PAWR: variants seen among roughly 807,000 people sequenced by gnomAD.
PAWR encodes the protein pro-apoptotic WT1 regulator, also known as PRKC apoptosis WT1 regulator protein.
Under a neutral mutation model 32.0 loss-of-function variants are expected in PAWR, and 23 were observed. That is an observed-to-expected ratio of 0.72 (90% CI 0.52 to 1.02). The LOEUF is 1.02. PAWR is among the 50% of genes least tolerant of loss of function. The probability of loss-of-function intolerance (pLI) is 0.00; values close to 1 mark genes in which losing one functional copy is unlikely to be tolerated. For missense variants in PAWR, 457 were observed against 437.7 expected (o/e 1.04, Z -0.39); for synonymous variants, 226 against 187.1 (o/e 1.21, Z -1.70).
intron 2 of PAWR, among the ~76,000 whole-genome samples, chr12:79,625,636 C>T (rs1056631106): frequency 3.9e-5 from 6 of 151,912 alleles, no homozygotes; most frequent in East Asian, 1.9e-4. Context: ...ATGGCTAACA[C>T]GGTGAAACCC....
intron 4 of PAWR, among the ~76,000 whole-genome samples, chr12:79,611,262 A>T (rs1327066884): frequency 2.0e-5 from 3 of 146,430 alleles, no homozygotes; most frequent in Non-Finnish European, 3.0e-5. Context: ...ATATATATTT[A>T]TATATAATAT....
intron 3 of PAWR, among the ~76,000 whole-genome samples, chr12:79,615,716 C>T (rs967660956): frequency 1.6e-4 from 25 of 152,276 alleles, no homozygotes; most frequent in Middle Eastern, 3.4e-3. Flanking sequence ...CTTATGTATA[C>T]TCACTCAAAA....
At chr12:79,686,624 CAAGTT>C (rs1878691343) in intron 2 of PAWR, among the ~76,000 whole-genome samples, 1 of 152,120 alleles carries the variant, frequency 6.6e-6, no homozygotes, top group Non-Finnish European at 1.5e-5. Flanking sequence ...ATGTGCTGCT[CAAGTT>C]AAGAACCACT....
Position 79,591,511 on chromosome 12 carries a change from AAAT to A in PAWR, c.*1093_*1095del, listed in dbSNP as rs1234599639. 6.6e-6 allele frequency: 1 copy of A among 152,186 alleles called. No individual in the cohort carries two copies. The highest frequency in any genetic ancestry group is 1.9e-4 in the East Asian group (1 of 5,202). The allele number at this position is 152,186 out of a possible 1,614,324, so 9.4% of individuals were successfully genotyped here. A position where few individuals can be genotyped will look rare whatever the true frequency, so the allele number is the denominator to read the frequency against. The stretch of plus-strand genomic sequence containing the variant: ...GAATATGTAATACAAAAACAATTCT[AAAT>A]AATAATATTTAATAGAAGAAAAAAT... On this transcript the variant is annotated 3_prime_UTR_variant, in exon 7 of 7. Transcript: ENST00000328827.
At chr12:79,650,147 C>G (rs2030899) in intron 2 of PAWR, among the ~76,000 whole-genome samples, 3,861 of 152,250 alleles carry the variant, frequency 0.025, 170 homozygotes, top group African/African-American at 0.085. Flanking sequence ...AGTTAAATTT[C>G]CATATCCATA....
chr12:79,686,723 G>A (rs1878696229), intron 2 of PAWR, among the ~76,000 whole-genome samples: 1 of 152,126 alleles, frequency 6.6e-6, no homozygotes, highest in South Asian at 2.1e-4. Flanking sequence ...TACAAGTACT[G>A]AAAAGTTTAA....
Position 79,587,654 on chromosome 12 carries a change from T to G in PAWR, c.*4953A>C, listed in dbSNP as rs1873423704. 1 of 151,922 alleles carries G rather than the reference T, an allele frequency of 6.6e-6. No homozygotes were observed. The highest frequency in any genetic ancestry group is 1.5e-5 in the Non-Finnish European group (1 of 67,852). The allele number at this position is 151,922 out of a possible 1,614,324, so 9.4% of individuals were successfully genotyped here. On this transcript the variant is annotated 3_prime_UTR_variant, in exon 7 of 7. Coordinates refer to ENST00000328827, the MANE Select transcript of PAWR (RefSeq NM_002583.4). ...TGTCCACCTAAAATAATATACCAAA[T>G]AAAGATTTTTAAAGTGCTGCATATG...
chr12:79,678,935 T>G (rs538778232), intron 2 of PAWR, among the ~76,000 whole-genome samples: 3 of 151,362 alleles, frequency 2.0e-5, no homozygotes, highest in Non-Finnish European at 4.4e-5. Flanking sequence ...TCTCACTCTG[T>G]CACCCAGGCT....
intron 2 of PAWR, among the ~76,000 whole-genome samples, chr12:79,623,581 TAAC>T (rs1339729872): frequency 6.6e-6 from 1 of 151,998 alleles, no homozygotes; most frequent in African/African-American, 2.4e-5. Flanking sequence ...AAATTTTTAG[TAAC>T]AACCATTAAA....
In PAWR at chr12:79,669,212, C is replaced by T. The variant is rs140350210; in HGVS notation, c.516+20517G>A. Among the ~76,000 whole-genome samples the T allele has an allele frequency of 5.3e-5, 8 of 152,144 alleles. No individual in the cohort carries two copies. In the East Asian group the frequency reaches 1.4e-3, roughly 26 times the overall value. ...TTATGTAAAGATTAGGGATATAAGACCAACAATATTAAATTGAGGGTTTCT... is the reference window on the plus strand; with the variant it reads ...TTATGTAAAGATTAGGGATATAAGATCAACAATATTAAATTGAGGGTTTCT... On this transcript the variant is annotated intron_variant, in intron 2 of 6. Coordinates refer to ENST00000328827, the MANE Select transcript of PAWR (RefSeq NM_002583.4).
chr12:79,646,748 G>A (rs980523003), intron 2 of PAWR, among the ~76,000 whole-genome samples: 1 of 152,116 alleles, frequency 6.6e-6, no homozygotes. Context: ...CAATTAGGTA[G>A]TACACAAACA....
At chr12:79,593,166 A>T (rs73360708) in intron 6 of PAWR, among the ~76,000 whole-genome samples, 1,683 of 152,250 alleles carry the variant, frequency 0.011, 41 homozygotes, top group African/African-American at 0.038. Context: ...CTGATCTTTA[A>T]AGGTGTACAA....
At chr12:79,671,667 CT>C in intron 2 of PAWR, among the ~76,000 whole-genome samples, 1 of 151,610 alleles carries the variant, frequency 6.6e-6, no homozygotes, top group Non-Finnish European at 1.5e-5. Flanking sequence ...GTTCATTTAA[CT>C]TTTTATGATA....
chr12:79,646,289 C>CCG (rs1876572257), intron 2 of PAWR, among the ~76,000 whole-genome samples: 1 of 152,040 alleles, frequency 6.6e-6, no homozygotes, highest in Non-Finnish European at 1.5e-5. Flanking sequence ...CACTCCTGCC[C>CCG]CGTATGCCAC....
intron 2 of PAWR, among the ~76,000 whole-genome samples, chr12:79,659,963 CTA>C (rs1405557575): frequency 6.6e-6 from 1 of 152,096 alleles, no homozygotes; most frequent in African/African-American, 2.4e-5. Context: ...TCTTAAGTAA[CTA>C]TTATACTAGA....
chr12:79,687,958 C>T (rs1419820214), intron 2 of PAWR, among the ~76,000 whole-genome samples: 1 of 151,940 alleles, frequency 6.6e-6, no homozygotes, highest in East Asian at 1.9e-4. Flanking sequence ...AAGCAGTCCT[C>T]AATTCCCTAT....
chr12:79,619,833 A>C (rs1874919109), intron 3 of PAWR, among the ~76,000 whole-genome samples: 1 of 152,194 alleles, frequency 6.6e-6, no homozygotes, highest in African/African-American at 2.4e-5. Context: ...AGAGCTGAGA[A>C]AATGTTGGCA....
rs1001772607 is a variant in PAWR at position 79,589,113 on chromosome 12, A to C, written c.*3494T>G. ...GAATAGTTATTAAGTAAGTGCCAGC[A>C]CTACATGCAACTTACTGGTCACCAA... On this transcript the variant is annotated 3_prime_UTR_variant, in exon 7 of 7. Transcript: ENST00000328827. 1.3e-5 allele frequency: 2 copies of C among 151,946 alleles called. No homozygotes were observed. Among genetic ancestry groups the C allele is most frequent in the African/African-American group, 4.8e-5 (2 of 41,418 alleles). 9.4% of individuals were successfully genotyped at this position (151,946 alleles called of 1,614,324 possible).
At chr12:79,629,734 G>T (rs187013219) in intron 2 of PAWR, among the ~76,000 whole-genome samples, 269 of 152,104 alleles carry the variant, frequency 1.8e-3, no homozygotes, top group African/African-American at 5.8e-3. Context: ...AGAACATATT[G>T]TGGAACATAA....
Sources: allele counts gnomAD v4.1 joint callset (sites outside exome capture counted in the v4.1 genomes callset), GRCh38; gene constraint gnomAD v4.1.1; transcripts MANE v1.5; gene names NCBI Gene and HGNC (gene_info 2026-07-23, HGNC 2026-07-21).